Variants in TSGA10 observed in about 807,000 individuals in gnomAD.
The protein encoded by TSGA10 is testis specific 10.
TSGA10 carries 43 observed loss-of-function variants against 96.6 expected under a neutral mutation model. That is an observed-to-expected ratio of 0.44 (90% CI 0.35 to 0.57). TSGA10 has a LOEUF of 0.57. Among genes scored for constraint, TSGA10 ranks in the 20% least tolerant of loss-of-function variants. The pLI is 0.01. For synonymous variants in TSGA10, 229 were observed against 269.9 expected (o/e 0.85, Z 1.48); for missense variants, 703 against 834.4 (o/e 0.84, Z 1.94).
chr2:99,035,497 C>T, intron 16 of TSGA10, 58 bp from the exon 17 acceptor site: 1 of 1,240,474 alleles, frequency 8.1e-7, no homozygotes. Flanking sequence ...TGGAAGGAAA[C>T]TATAACATGG....
chr2:99,126,963 T>C, intron 2 of TSGA10, 85 bp downstream of exon 2: 3 of 1,139,570 alleles, frequency 2.6e-6, no homozygotes, highest in Non-Finnish European at 3.4e-6. Flanking sequence ...TCTGAATTAG[T>C]AGTTATTTAT....
intron 16 of TSGA10, among the ~76,000 whole-genome samples, chr2:99,049,688 G>A (rs992712565): frequency 6.6e-6 from 1 of 150,594 alleles, no homozygotes; most frequent in African/African-American, 2.4e-5. Context: ...ATGTAACAAA[G>A]CTGCACATTC....
chr2:99,078,730 C>T lies in TSGA10; in HGVS notation c.811G>A (p.Glu271Lys). 1 of 1,613,686 alleles carries T rather than the reference C, an allele frequency of 6.2e-7. No homozygotes were observed. The highest frequency in any genetic ancestry group is 2.2e-5 in the East Asian group (1 of 44,820). The change falls in exon 12 of 21, where the codon GAA becomes AAA. Residue 271 changes from glutamate (E) to lysine (K), a missense_variant. Glu to Lys is a moderately conservative substitution (Grantham distance 56). Around this residue, in one of 3 missense-constraint regions of TSGA10, gnomAD observed 585 missense variants for 656.8 expected, o/e 0.89. Transcript: ENST00000393483. ...GTLNDLAKEK[E>K]CLQACLDKKS... is the part of the protein sequence containing the mutation. ...TTATCCAAACATGCTTGCAGGCATTCCTTTTCTTTAGCCAGATCATTGAGG... is the reference window on the plus strand; with the variant it reads ...TTATCCAAACATGCTTGCAGGCATTTCTTTTCTTTAGCCAGATCATTGAGG...
intron 10 of TSGA10, among the ~76,000 whole-genome samples, chr2:99,083,813 G>T (rs1210324046): frequency 6.6e-6 from 1 of 152,142 alleles, no homozygotes; most frequent in African/African-American, 2.4e-5. Context: ...ATCATGGTGG[G>T]GGAAGAGGAG....
chr2:99,005,345 T>G (rs1051417297), intron 20 of TSGA10, among the ~76,000 whole-genome samples: 2 of 152,102 alleles, frequency 1.3e-5, no homozygotes, highest in Non-Finnish European at 2.9e-5. Context: ...AAAGAGGAAG[T>G]CAAATTGGCC....
At chr2:99,020,232 C>CA in intron 18 of TSGA10, 48 bp downstream of exon 18, 1 of 1,522,766 alleles carries the variant, frequency 6.6e-7, no homozygotes. Context: ...ACTAAAGTAC[C>CA]AAAAAATTAA....
chr2:99,099,453 C>A (rs2090456625), intron 10 of TSGA10, among the ~76,000 whole-genome samples: 1 of 152,090 alleles, frequency 6.6e-6, no homozygotes, highest in African/African-American at 2.4e-5. Context: ...TATAGTGTGA[C>A]CAATCTATAT....
In TSGA10 at chr2:98,998,050, T is replaced by G; in HGVS notation, c.*147A>C. On this transcript the variant is annotated 3_prime_UTR_variant, in exon 21 of 21. Transcript: ENST00000393483. Reference sequence around the variant, plus strand: ...TCTCAGATCACTGCAACATGGCACATTAGAACAGAGATTCAGAGACACAAA... The same window carrying G: ...TCTCAGATCACTGCAACATGGCACAGTAGAACAGAGATTCAGAGACACAAA... The G allele has an allele frequency of 1.4e-6, 1 of 739,206 alleles. No homozygotes were observed. The highest frequency in any genetic ancestry group is 2.2e-6 in the Non-Finnish European group (1 of 453,624). 45.8% of individuals were successfully genotyped at this position (739,206 alleles called of 1,614,324 possible).
chr2:99,103,491 T>C (rs2091005898), intron 10 of TSGA10, among the ~76,000 whole-genome samples: 1 of 152,208 alleles, frequency 6.6e-6, no homozygotes, highest in Non-Finnish European at 1.5e-5. Context: ...AGGCTAAGTA[T>C]AGTACTTGCA....
At chr2:99,045,075 G>A (rs1038499809) in intron 16 of TSGA10, among the ~76,000 whole-genome samples, 7 of 152,078 alleles carry the variant, frequency 4.6e-5, no homozygotes, top group Non-Finnish European at 8.8e-5. Context: ...ACAAAAGAAA[G>A]CAAGAAAAAT....
At chr2:99,133,424 T>C (rs2093188148) in intron 1 of TSGA10, among the ~76,000 whole-genome samples, 1 of 152,220 alleles carries the variant, frequency 6.6e-6, no homozygotes, top group Non-Finnish European at 1.5e-5. Flanking sequence ...TTTTTTTTGC[T>C]TTCCATTTGC....
intron 17 of TSGA10, among the ~76,000 whole-genome samples, chr2:99,034,481 A>ATACACTATG (rs2081433533): frequency 6.6e-6 from 1 of 152,148 alleles, no homozygotes; most frequent in Admixed American, 6.5e-5. Flanking sequence ...ACTATTTCAA[A>ATACACTATG]TACACTATGC....
chr2:99,095,686 G>A (rs1306386617), intron 10 of TSGA10, among the ~76,000 whole-genome samples: 1 of 152,194 alleles, frequency 6.6e-6, no homozygotes, highest in Non-Finnish European at 1.5e-5. Flanking sequence ...CTGTCACCAG[G>A]CTGTAGTACA....
chr2:99,047,312 G>A (rs2082888790), intron 16 of TSGA10, among the ~76,000 whole-genome samples: 1 of 152,192 alleles, frequency 6.6e-6, no homozygotes, highest in South Asian at 2.1e-4. Context: ...GAACCTCAAT[G>A]CAAAAATCCT....
rs538256215 is a variant in TSGA10, at chr2:99,140,891, C to T, written c.-620-13715G>A. ...CTAACCTCCCAAGAAACAGGGGCAA[C>T]TCGTGCTGCCGAGCTTCCGGCCGGC... On this transcript the variant is annotated intron_variant, in intron 1 of 20. Transcript: ENST00000393483. 1.1e-4 allele frequency among the ~76,000 whole-genome samples: 17 copies of T among 152,220 alleles called. No individual in the cohort carries two copies. In the South Asian group the frequency reaches 2.9e-3, roughly 26 times the overall value.
chr2:99,035,477 T>G, intron 16 of TSGA10, 38 bp from the exon 17 acceptor site: 1 of 1,364,616 alleles, frequency 7.3e-7, no homozygotes, highest in Non-Finnish European at 1.0e-6. Context: ...TGTATACATA[T>G]ATATTAAACT....
At chr2:99,147,432 G>T (rs1007420972) in intron 1 of TSGA10, 6 of 1,611,920 alleles carry the variant, frequency 3.7e-6, no homozygotes, top group Non-Finnish European at 5.1e-6. Flanking sequence ...CTAAATGCCA[G>T]TCCAAAGAGG....
At chr2:99,111,420 T>C (rs1049506957) in intron 4 of TSGA10, among the ~76,000 whole-genome samples, 4 of 152,162 alleles carry the variant, frequency 2.6e-5, no homozygotes, top group African/African-American at 9.6e-5. Flanking sequence ...TATGACTACA[T>C]TATATGTTCC....
In TSGA10 at chr2:99,141,274, C is replaced by T. The variant is rs555453743; in HGVS notation, c.-621+13419G>A. ...CCGGCGGATCGGAGGAAGGACGGAG[C>T]CCGCGGGAAGGAGGAGGGGGCGGTT... On this transcript the variant is annotated intron_variant, in intron 1 of 20. Coordinates refer to ENST00000393483, the MANE Select transcript of TSGA10 (RefSeq NM_025244.4). 869 of 710,010 alleles carry T rather than the reference C, an allele frequency of 1.2e-3. 19 individuals carry two copies. In the South Asian group the frequency reaches 0.018, roughly 15 times the overall value. 44.0% of individuals were successfully genotyped at this position (710,010 alleles called of 1,614,324 possible). A position where few individuals can be genotyped will look rare whatever the true frequency, so the allele number is the denominator to read the frequency against.
Sources: allele counts gnomAD v4.1 joint callset (sites outside exome capture counted in the v4.1 genomes callset), GRCh38; gene constraint gnomAD v4.1.1; regional missense constraint gnomAD v4.1.1; transcripts MANE v1.5; gene names NCBI Gene and HGNC (gene_info 2026-07-23, HGNC 2026-07-21).